NOL4L: variants seen among roughly 807,000 people sequenced by gnomAD.
NOL4L encodes the protein nucleolar protein 4 like, also known as nucleolar protein 4-like.
A neutral mutation model predicts 64.5 loss-of-function variants in NOL4L; 7 were observed. The ratio of observed to expected loss-of-function variants is 0.11; its 90% CI spans 0.06 to 0.20. The LOEUF (loss-of-function observed/expected upper bound fraction) is 0.20, where lower values mean the gene tolerates loss of function less well. NOL4L is among the 10% of genes least tolerant of loss of function. The pLI is 1.00. For missense variants in NOL4L, 680 were observed against 967.1 expected, an observed-to-expected ratio of 0.70 and a Z score of 3.94; for synonymous variants, 413 against 401.0, an observed-to-expected ratio of 1.03 and a Z score of -0.36.
chr20:32,514,997 G>A (rs1210360838), intron 3 of NOL4L, among the ~76,000 whole-genome samples: 1 of 152,186 alleles, frequency 6.6e-6, no homozygotes, highest in African/African-American at 2.4e-5. Context: ...GAGGCGGGGA[G>A]CTGTGTTCTT....
intron 4 of NOL4L, chr20:32,510,390 G>T: frequency 4.8e-6 from 1 of 210,330 alleles, no homozygotes; most frequent in Non-Finnish European, 9.9e-6. Context: ...GGGCCAAGAT[G>T]CCACCTGCAC....
chr20:32,509,146 C>T (rs2017268368), intron 4 of NOL4L, among the ~76,000 whole-genome samples: 1 of 152,208 alleles, frequency 6.6e-6, no homozygotes, highest in Admixed American at 6.5e-5. Flanking sequence ...CAATGCCCCA[C>T]TGATCACTTC....
At chr20:32,524,497 C>G (rs1032318430) in intron 2 of NOL4L, among the ~76,000 whole-genome samples, 2 of 152,232 alleles carry the variant, frequency 1.3e-5, no homozygotes, top group African/African-American at 2.4e-5. Context: ...AAAAGTCTGC[C>G]ACCGCCCTGC....
At chr20:32,502,358 C>T (rs539298061) in intron 4 of NOL4L, among the ~76,000 whole-genome samples, 7 of 151,578 alleles carry the variant, frequency 4.6e-5, no homozygotes, top group South Asian at 4.2e-4. Flanking sequence ...TTTGGGAGGC[C>T]GAGGCAGGCG....
chr20:32,479,884 C>A (rs937940741), intron 4 of NOL4L, among the ~76,000 whole-genome samples: 4 of 152,358 alleles, frequency 2.6e-5, no homozygotes, highest in Middle Eastern at 3.4e-3. Flanking sequence ...GGGAGAGGAG[C>A]TGACCAGACT....
chr20:32,510,303 C>T (rs1283020965), intron 4 of NOL4L: 2 of 270,342 alleles, frequency 7.4e-6, no homozygotes, highest in Non-Finnish European at 1.5e-5. Context: ...GGAGGGCTGG[C>T]CGCCCTGCCT....
chr20:32,504,147 C>T (rs559514889), intron 4 of NOL4L, among the ~76,000 whole-genome samples: 1 of 152,070 alleles, frequency 6.6e-6, no homozygotes, highest in African/African-American at 2.4e-5. Flanking sequence ...TTCGTTTAGT[C>T]CCCATGTAAT....
chr20:32,557,959 G>A (rs893475418), intron 1 of NOL4L, among the ~76,000 whole-genome samples: 1 of 152,172 alleles, frequency 6.6e-6, no homozygotes, highest in Admixed American at 6.5e-5. Context: ...CAGCTACTTG[G>A]GAGGATCACT....
chr20:32,508,528 A>G (rs893178732), intron 4 of NOL4L, among the ~76,000 whole-genome samples: 1 of 152,230 alleles, frequency 6.6e-6, no homozygotes, highest in African/African-American at 2.4e-5. Flanking sequence ...GGCTCTAGGC[A>G]TGAGGCGGGA....
chr20:32,522,645 G>T (rs1268221234), intron 2 of NOL4L, among the ~76,000 whole-genome samples: 1 of 152,210 alleles, frequency 6.6e-6, no homozygotes, highest in African/African-American at 2.4e-5. Context: ...GAAGTCTGGG[G>T]GCACGTTCCT....
chr20:32,510,623 T>C (rs1412194593), intron 4 of NOL4L: 2 of 154,710 alleles, frequency 1.3e-5, no homozygotes, highest in African/African-American at 4.8e-5. Flanking sequence ...CACAAGGACA[T>C]GATGGGTTTG....
intron 1 of NOL4L, among the ~76,000 whole-genome samples, chr20:32,547,683 G>A (rs1047846862): frequency 5.3e-5 from 8 of 152,142 alleles, no homozygotes; most frequent in Admixed American, 6.5e-5. Context: ...TGCAGGTGGG[G>A]ACATGCTGGG....
chr20:32,493,753 A>C (rs1385196989), intron 4 of NOL4L, among the ~76,000 whole-genome samples: 1 of 152,182 alleles, frequency 6.6e-6, no homozygotes, highest in Non-Finnish European at 1.5e-5. Flanking sequence ...GGCCCGGTCC[A>C]GGTGCAGGGA....
At chr20:32,559,891 G>A (rs933300987) in intron 1 of NOL4L, among the ~76,000 whole-genome samples, 3 of 152,216 alleles carry the variant, frequency 2.0e-5, no homozygotes, top group Non-Finnish European at 4.4e-5. Context: ...TGCCGCCCAC[G>A]CGGCCTCCCT....
intron 4 of NOL4L, among the ~76,000 whole-genome samples, chr20:32,477,912 C>T (rs2015493372): frequency 6.6e-6 from 1 of 152,246 alleles, no homozygotes; most frequent in African/African-American, 2.4e-5. Context: ...CACCCAGTGC[C>T]CACAGGCACG....
intron 1 of NOL4L, among the ~76,000 whole-genome samples, chr20:32,584,133 GCACACACA>G (rs745461984): frequency 6.8e-5 from 6 of 88,800 alleles, no homozygotes; most frequent in East Asian, 4.2e-4. Flanking sequence ...CTCCGCGCGC[GCACACACA>G]CACACACACA....
chr20:32,518,938 C>T (rs1469626612), intron 3 of NOL4L, among the ~76,000 whole-genome samples: 1 of 152,226 alleles, frequency 6.6e-6, no homozygotes, highest in Non-Finnish European at 1.5e-5. Flanking sequence ...GAGTGTCCAG[C>T]ATTATAACAG....
chr20:32,506,139 C>G (rs2017132018), intron 4 of NOL4L, among the ~76,000 whole-genome samples: 1 of 152,062 alleles, frequency 6.6e-6, no homozygotes, highest in South Asian at 2.1e-4. Flanking sequence ...GGGATGGAAG[C>G]CTGAGAAAGT....
At chr20:32,478,600 C>A (rs1456360087) in intron 4 of NOL4L, among the ~76,000 whole-genome samples, 1 of 152,160 alleles carries the variant, frequency 6.6e-6, no homozygotes, top group Non-Finnish European at 1.5e-5. Flanking sequence ...ATTCTGATAT[C>A]TTGACTGCTA....
Sources: allele counts gnomAD v4.1 joint callset (sites outside exome capture counted in the v4.1 genomes callset), GRCh38; gene constraint gnomAD v4.1.1; transcripts MANE v1.5; gene names NCBI Gene and HGNC (gene_info 2026-07-23, HGNC 2026-07-21).